The following FYB2 variants were observed in gnomAD, a reference collection of about 807,000 sequenced individuals.
FYB2 encodes the protein FYN-binding protein 2.
Under a neutral mutation model 94.1 loss-of-function variants are expected in FYB2, and 103 were observed. That is an observed-to-expected ratio of 1.09 (90% CI 0.93 to 1.29). FYB2 has a LOEUF of 1.29. FYB2 is among the 50% of genes most tolerant of loss of function. FYB2 has a pLI of 0.00. For missense variants in FYB2, 896 were observed against 841.5 expected, an observed-to-expected ratio of 1.06 and a Z score of -0.80; for synonymous variants, 293 against 287.9, an observed-to-expected ratio of 1.02 and a Z score of -0.18.
At chr1:56,726,428 G>A (rs921400522) in intron 16 of FYB2, 69 bp downstream of exon 16, 3 of 1,389,594 alleles carry the variant, frequency 2.2e-6, no homozygotes, top group Admixed American at 2.1e-5. Flanking sequence ...CTTATCTGAG[G>A]CCACACAGCT....
At position 56,719,568 on chromosome 1, in the gene FYB2, A is replaced by G. The variant is rs1644446073; in HGVS notation, c.*103T>C. The G allele has an allele frequency of 1.0e-6, 1 of 987,754 alleles. No homozygotes were observed. The highest frequency in any genetic ancestry group is 1.8e-5 in the South Asian group (1 of 54,330). 61.2% of individuals were successfully genotyped at this position (987,754 alleles called of 1,614,324 possible). ...AACGAAAGTTTCCACAGATTCCACC[A>G]TCTCAAAATTTTGACATGTAAACTG... On this transcript the variant is annotated 3_prime_UTR_variant, in exon 20 of 20. Transcript: ENST00000343433.
chr1:56,720,388 A>G, intron 17 of FYB2, 59 bp from the exon 18 acceptor site: 9 of 1,441,270 alleles, frequency 6.2e-6, no homozygotes, highest in Non-Finnish European at 8.4e-6. Context: ...TTCATAACAA[A>G]ATTAATGGAG....
intron 1 of FYB2, among the ~76,000 whole-genome samples, chr1:56,813,830 A>T (rs1462271635): frequency 6.6e-6 from 1 of 152,194 alleles, no homozygotes; most frequent in Non-Finnish European, 1.5e-5. Flanking sequence ...TCCTTTATAA[A>T]TGAGATAACT....
At chr1:56,812,570 C>A (rs888943805) in intron 1 of FYB2, among the ~76,000 whole-genome samples, 3 of 152,126 alleles carry the variant, frequency 2.0e-5, no homozygotes, top group Non-Finnish European at 2.9e-5. Context: ...TTTAATAGGT[C>A]CTAACAAAAT....
chr1:56,753,912 A>AT lies in FYB2; in HGVS notation c.1153dup (p.Met385AsnfsTer8), dbSNP rs762431846. On this transcript the variant is annotated frameshift_variant, in exon 8 of 20. Transcript: ENST00000343433. LOFTEE classifies it high-confidence loss of function. ...CAATTCACATGGTTGTTTTTCCTTC[A>AT]TTTTTTTATCTTCATGTTTAGCACT... 26 of 1,608,852 alleles carry AT rather than the reference A, an allele frequency of 1.6e-5. No individual in the cohort carries two copies. The African/African-American group carries it at 1.7e-4, about 11-fold the overall frequency.
chr1:56,759,899 A>C (rs111450019), intron 5 of FYB2, among the ~76,000 whole-genome samples: 3,419 of 152,134 alleles, frequency 0.022, 136 homozygotes, highest in African/African-American at 0.079. Flanking sequence ...TGGCCAAGAG[A>C]GTGAAACACT....
At position 56,789,056 on chromosome 1, in the gene FYB2, G is replaced by A. The variant is rs112220774; in HGVS notation, c.836C>T (p.Pro279Leu). 1.6e-4 allele frequency: 262 copies of A among 1,614,012 alleles called. 3 individuals are homozygous for A. In the African/African-American group the frequency reaches 2.9e-3, roughly 18 times the overall value. ...LPSIDSLGPPPPKPSRPPIVN... is the reference protein window; with the variant it reads ...LPSIDSLGPPLPKPSRPPIVN... ...GATGGGAGGTCTTGAAGGCTTTGGGGGAGGAGGACCCAGGGAGTCGATGGA... is the reference window on the plus strand; with the variant it reads ...GATGGGAGGTCTTGAAGGCTTTGGGAGAGGAGGACCCAGGGAGTCGATGGA... Residue 279 changes from proline (P) to leucine (L), a missense_variant, in exon 3 of 20, where the codon CCC becomes CTC. Transcript: ENST00000343433.
chr1:56,799,725 A>G (rs539631426), intron 1 of FYB2, among the ~76,000 whole-genome samples: 7 of 152,172 alleles, frequency 4.6e-5, no homozygotes, highest in Non-Finnish European at 1.0e-4. Flanking sequence ...TGCTTTATAA[A>G]GCATGGCACA....
chr1:56,788,597 A>T (rs1201359006), intron 3 of FYB2, among the ~76,000 whole-genome samples: 4 of 152,168 alleles, frequency 2.6e-5, no homozygotes, highest in Non-Finnish European at 5.9e-5. Context: ...TCAAGTTCAC[A>T]CTGACTTTCT....
At chr1:56,825,258 CA>C in the FYB2 span, 2 of 152,160 alleles carry the variant, frequency 1.3e-5, no homozygotes, top group Non-Finnish European at 2.9e-5. Flanking sequence ...AATAGCAGCT[CA>C]GAGAAAGGAT....
intron 5 of FYB2, among the ~76,000 whole-genome samples, chr1:56,767,277 G>A (rs1039637993): frequency 1.3e-5 from 2 of 152,200 alleles, no homozygotes; most frequent in Admixed American, 6.5e-5. Context: ...TACATGAGAA[G>A]GTCTCTTTAC....
intron 5 of FYB2, among the ~76,000 whole-genome samples, chr1:56,765,723 A>T (rs1014314257): frequency 6.6e-5 from 10 of 152,138 alleles, no homozygotes; most frequent in Admixed American, 1.3e-4. Flanking sequence ...TCGAGGCAAG[A>T]AGAAAACCAG....
chr1:56,735,261 C>A (rs906002210), intron 15 of FYB2, among the ~76,000 whole-genome samples: 5 of 151,986 alleles, frequency 3.3e-5, no homozygotes, highest in African/African-American at 9.7e-5. Flanking sequence ...ATACACATGG[C>A]AGAGCACTAT....
chr1:56,774,796 T>G (rs857161), intron 4 of FYB2, among the ~76,000 whole-genome samples: 121,610 of 151,866 alleles, frequency 0.8, 49,523 homozygotes, highest in East Asian at 0.95. Flanking sequence ...CCTTAATCTG[T>G]GTGGGCACAA....
intron 17 of FYB2, 31 bp from the exon 18 acceptor site, chr1:56,720,360 C>T (rs1175170159): frequency 7.1e-6 from 11 of 1,548,380 alleles, no homozygotes; most frequent in Non-Finnish European, 9.6e-6. Context: ...TCAGACCATT[C>T]TTGCATAGTT....
chr1:56,719,769 T>C, intron 19 of FYB2, 77 bp from the exon 20 acceptor site: 1 of 1,313,268 alleles, frequency 7.6e-7, no homozygotes, highest in South Asian at 1.3e-5. Flanking sequence ...TTCTAGGGAA[T>C]TTCTGATCTA....
At position 56,737,991 on chromosome 1, in the gene FYB2, T is replaced by C. The variant is rs149665687; in HGVS notation, c.1732+634A>G. 1.9e-3 allele frequency among the ~76,000 whole-genome samples: 295 copies of C among 152,158 alleles called. 8 individuals are homozygous for C. In the East Asian group the frequency reaches 0.048, roughly 25 times the overall value. ...ATACTTTTGAATTGTCAAGTTCGAG[T>C]GACATCCAGGTAGCCACATAGCTAG... On this transcript the variant is annotated intron_variant, in intron 14 of 19. Coordinates refer to ENST00000343433, the MANE Select transcript of FYB2 (RefSeq NM_001004303.5).
intron 16 of FYB2, 66 bp downstream of exon 16, chr1:56,726,431 A>C: frequency 7.0e-7 from 1 of 1,432,028 alleles, no homozygotes; most frequent in Non-Finnish European, 9.6e-7. Context: ...ATCTGAGGCC[A>C]CACAGCTAGT....
At position 56,719,124 on chromosome 1, in the gene FYB2, A is replaced by G. The variant is rs1327647325; in HGVS notation, c.*547T>C. The G allele has an allele frequency of 6.6e-6, 1 of 152,352 alleles. No homozygotes were observed. The highest frequency in any genetic ancestry group is 1.5e-5 in the Non-Finnish European group (1 of 68,092). The allele number at this position is 152,352 out of a possible 1,614,324, so 9.4% of individuals were successfully genotyped here. On this transcript the variant is annotated 3_prime_UTR_variant, in exon 20 of 20. Transcript: ENST00000343433. ...AAGAAACAAATGTGGAACAGTATTC[A>G]TATGAGTTTATTTTTGTGATAAAGT... is the stretch of plus-strand genomic sequence containing the variant.
Sources: allele counts gnomAD v4.1 joint callset (sites outside exome capture counted in the v4.1 genomes callset), GRCh38; gene constraint gnomAD v4.1.1; transcripts MANE v1.5; gene names NCBI Gene and HGNC (gene_info 2026-07-23, HGNC 2026-07-21).